Variants in ALPI observed in about 807,000 individuals in gnomAD.
ALPI encodes the protein intestinal-type alkaline phosphatase.
Under a neutral mutation model 51.5 loss-of-function variants are expected in ALPI, and 50 were observed. That is an observed-to-expected ratio of 0.97 (90% CI 0.77 to 1.23). The LOEUF is 1.23. Ranked by LOEUF, ALPI falls within the 50% of genes most tolerant of loss-of-function variation. The probability of loss-of-function intolerance (pLI) is 0.00; values close to 1 mark genes in which losing one functional copy is unlikely to be tolerated. For missense variants in ALPI, 692 were observed against 722.4 expected (o/e 0.96, Z 0.48); for synonymous variants, 322 against 308.2 (o/e 1.04, Z -0.47).
rs1690201074 is a variant in ALPI at position 232,456,845 on chromosome 2, G to A, written c.301-54G>A. 6.2e-7 allele frequency: 1 copy of A among 1,605,112 alleles called. No individual in the cohort carries two copies. The highest frequency in any genetic ancestry group is 8.5e-7 in the Non-Finnish European group (1 of 1,175,158). On this transcript the variant is annotated intron_variant, in intron 3 of 10. Transcript: ENST00000295463. The surrounding 1 kb of genome is among the most constrained non-coding windows in gnomAD (Gnocchi z 4.2). The stretch of plus-strand genomic sequence containing the variant: ...CCAGAGGACCAGAACCAGGTCCTTG[G>A]TTGGGGTCTGGGTGTCCGCCCCGAA...
In ALPI at chr2:232,460,611, A is replaced by G. The variant is rs1690292357; in HGVS notation, c.*1465A>G. On this transcript the variant is annotated 3_prime_UTR_variant, in exon 11 of 11. Transcript: ENST00000295463. ...GGTGAAATCAACCACATTTTCCAGC[A>G]AATTTTGCAGTATTACAAATTTATT... Among the ~76,000 whole-genome samples the G allele has an allele frequency of 1.3e-5, 2 of 152,254 alleles. No individual in the cohort carries two copies. The highest frequency in any genetic ancestry group is 4.8e-5 in the African/African-American group (2 of 41,458).
chr2:232,458,259 A>G lies in ALPI; in HGVS notation c.1034A>G (p.Gln345Arg), dbSNP rs1277365906. 16 of 1,614,114 alleles carry G rather than the reference A, an allele frequency of 9.9e-6. No individual in the cohort carries two copies. Among genetic ancestry groups the G allele is most frequent in the Non-Finnish European group, 1.4e-5 (16 of 1,180,020 alleles). ...DHGHHEGVAY[Q>R]ALTEAVMFDD... ...GGTCATCATGAGGGTGTGGCTTACC[A>G]GGCACTCACTGAGGCGGTCATGTTC... The change falls in exon 9 of 11, where the codon CAG (glutamine) becomes CGG (arginine). Residue 345 changes from glutamine to arginine, a missense_variant. Gln to Arg is a conservative substitution (Grantham distance 43). Coordinates refer to ENST00000295463, the MANE Select transcript of ALPI (RefSeq NM_001631.5).
Position 232,458,104 on chromosome 2 carries a change from C to T in ALPI, c.963C>T (p.Asn321=). ...CTGCCCTGCGCCTGCTGAGCAGGAA[C>T]CCCCGCGGCTTCTACCTCTTTGTGG... ...TEAALRLLSR[N]PRGFYLFVEG... Residue 321 remains asparagine, a synonymous_variant, in exon 8 of 11, where the codon AAC becomes AAT. Transcript: ENST00000295463. 1.9e-6 allele frequency: 3 copies of T among 1,614,010 alleles called. No homozygotes were observed. The highest frequency in any genetic ancestry group is 2.5e-6 in the Non-Finnish European group (3 of 1,180,000).
At position 232,460,194 on chromosome 2, in the gene ALPI, C is replaced by T. The variant is rs550039880; in HGVS notation, c.*1048C>T. Among the ~76,000 whole-genome samples, 169 of 143,914 alleles carry T rather than the reference C, an allele frequency of 1.2e-3. No homozygotes were observed. Among genetic ancestry groups the T allele is most frequent in the African/African-American group, 4.0e-3 (158 of 39,684 alleles). The allele number at this position is 143,914 out of a possible 152,430, so 94.4% of individuals were successfully genotyped here. A position where few individuals can be genotyped will look rare whatever the true frequency, so the allele number is the denominator to read the frequency against. On this transcript the variant is annotated 3_prime_UTR_variant, in exon 11 of 11. Transcript: ENST00000295463. ...GCAAGGCAGCACAGCAGTGCAAACGCCCTGGGGCAGTGTCAGCAGGTGCTC... is the reference window on the plus strand; with the variant it reads ...GCAAGGCAGCACAGCAGTGCAAACGTCCTGGGGCAGTGTCAGCAGGTGCTC...
chr2:232,458,338 C>G lies in ALPI; in HGVS notation c.1113C>G (p.Thr371=), dbSNP rs753458926. The G allele has an allele frequency of 7.2e-5, 116 of 1,614,130 alleles. 1 individual carries two copies. In the South Asian group the frequency reaches 1.1e-3, roughly 15 times the overall value. Residue 371 remains threonine, a synonymous_variant, in exon 9 of 11, where the codon ACC becomes ACG. Coordinates refer to ENST00000295463, the MANE Select transcript of ALPI (RefSeq NM_001631.5). ...GQLTSEEDTL[T]LVTADHSHVF... is the part of the protein sequence containing the mutation. ...TCACCAGCGAGGAGGACACGCTGAC[C>G]CTCGTCACCGCTGACCACTCCCATG...
At position 232,457,160 on chromosome 2, in the gene ALPI, A is replaced by G. The variant is rs2950881; in HGVS notation, c.486A>G (p.Val162=). The part of the protein sequence containing the change: ...MNRAKQAGKS[V]GVVTTTRVQH... ...CTCTGTCACCCTCAGGAAAGTCAGT[A>G]GGAGTGGTGACCACCACACGGGTGC... The change falls in exon 5 of 11, where the codon GTA becomes GTG. Residue 162 remains valine (V), a synonymous_variant. Coordinates refer to ENST00000295463, the MANE Select transcript of ALPI (RefSeq NM_001631.5). This position sits in a 1 kb window ranked among gnomAD's most constrained non-coding sequence, Gnocchi z 4.7. 5 of 1,613,514 alleles carry G rather than the reference A, an allele frequency of 3.1e-6. No homozygotes were observed. Among genetic ancestry groups the G allele is most frequent in the Non-Finnish European group, 3.4e-6 (4 of 1,180,020 alleles).
Position 232,456,930 on chromosome 2 carries a change from G to GCGCAGC in ALPI, c.334_339dup (p.Ala112_Ala113dup). On this transcript the variant is annotated inframe_insertion, in exon 4 of 11. Transcript: ENST00000295463. The surrounding 1 kb of genome is among the most constrained non-coding windows in gnomAD (Gnocchi z 4.2). ...AATGTGGACAGACAGGTGCCAGACA[G>GCGCAGC]CGCAGCCACAGCCACGGCCTACCTG... 3 of 1,613,530 alleles carry GCGCAGC rather than the reference G, an allele frequency of 1.9e-6. No individual in the cohort carries two copies. Among genetic ancestry groups the GCGCAGC allele is most frequent in the Non-Finnish European group, 2.5e-6 (3 of 1,179,982 alleles).
rs960716702 is a variant in ALPI, at chr2:232,458,846, C to T, written c.1301-14C>T. ...CCGCCTGCCTGCCCTGAAGTGCACT[C>T]ACCCTCCTACCAGGGAGCCCCGATT... On this transcript the variant is annotated splice_polypyrimidine_tract_variant and intron_variant, in intron 10 of 10. Transcript: ENST00000295463. 2 of 1,609,642 alleles carry T rather than the reference C, an allele frequency of 1.2e-6. No individual in the cohort carries two copies. Among genetic ancestry groups the T allele is most frequent in the Admixed American group, 1.7e-5 (1 of 59,810 alleles).
rs751701225 is a variant in ALPI, at chr2:232,457,854, G to A, written c.843G>A (p.Val281=). ...ELMQASLDQS[V]THLMGLFEPG... The stretch of plus-strand genomic sequence containing the variant: ...TGCAGGCGTCCCTGGACCAGTCTGT[G>A]ACCCATCTCATGGGTAATGACCCCC... The change falls in exon 7 of 11, where the codon GTG becomes GTA. Residue 281 remains valine (V), a synonymous_variant. Transcript: ENST00000295463. The surrounding 1 kb of genome is among the most constrained non-coding windows in gnomAD (Gnocchi z 4.7). 3.7e-6 allele frequency: 6 copies of A among 1,613,918 alleles called. No individual in the cohort carries two copies. Among genetic ancestry groups the A allele is most frequent in the Non-Finnish European group, 5.1e-6 (6 of 1,179,976 alleles).
In ALPI at chr2:232,456,513, A is replaced by G; in HGVS notation, c.184+48A>G. On this transcript the variant is annotated intron_variant, in intron 2 of 10. Transcript: ENST00000295463. The surrounding 1 kb of genome is among the most constrained non-coding windows in gnomAD (Gnocchi z 4.2). Reference sequence around the variant, plus strand: ...GCCCCGTAGTCCTCACAGCCCCGGCACCCGGGACCTTCAGTGGTTCCAGGA... The same window carrying G: ...GCCCCGTAGTCCTCACAGCCCCGGCGCCCGGGACCTTCAGTGGTTCCAGGA... 6.2e-7 allele frequency: 1 copy of G among 1,611,654 alleles called. No homozygotes were observed. Among genetic ancestry groups the G allele is most frequent in the Non-Finnish European group, 8.5e-7 (1 of 1,178,760 alleles).
At position 232,459,386 on chromosome 2, in the gene ALPI, G is replaced by A; in HGVS notation, c.*240G>A. On this transcript the variant is annotated 3_prime_UTR_variant, in exon 11 of 11. Transcript: ENST00000295463. Reference sequence around the variant, plus strand: ...TGGGACTTCCAGGACCTCCCCTCAGGTTGTTCTCTGATTCTTCCTCCCAAC... The same window carrying A: ...TGGGACTTCCAGGACCTCCCCTCAGATTGTTCTCTGATTCTTCCTCCCAAC... The A allele has an allele frequency of 1.8e-6, 1 of 552,946 alleles. No homozygotes were observed. The allele number at this position is 552,946 out of a possible 1,614,324, so 34.3% of individuals were successfully genotyped here.
rs1004662106 is a variant in ALPI at position 232,457,482 on chromosome 2, G to A, written c.649-83G>A. 1.9e-6 allele frequency: 3 copies of A among 1,547,266 alleles called. No homozygotes were observed. In the African/African-American group the frequency reaches 4.1e-5, roughly 21 times the overall value. ...GCTGGGCCATTCCCACAGCCCTGGG[G>A]AGGGGAGCCAGGGGCTATGCATGAG... On this transcript the variant is annotated intron_variant, in intron 5 of 10. Transcript: ENST00000295463. This position sits in a 1 kb window ranked among gnomAD's most constrained non-coding sequence, Gnocchi z 4.7.
intron 9 of ALPI, 27 bp from the exon 10 acceptor site, chr2:232,458,605 A>G (rs764182797): frequency 2.5e-6 from 4 of 1,607,932 alleles, no homozygotes; most frequent in Non-Finnish European, 3.4e-6. Context: ...GGTCAGCTCA[A>G]CTACAGGGAC....
rs750210071 is a variant in ALPI at position 232,458,617 on chromosome 2, C to G, written c.1184-15C>G. 3 of 1,610,220 alleles carry G rather than the reference C, an allele frequency of 1.9e-6. No homozygotes were observed. Among genetic ancestry groups the G allele is most frequent in the Non-Finnish European group, 2.5e-6 (3 of 1,177,332 alleles). ...TGTGGTCAGCTCAACTACAGGGACC[C>G]GCATCTCCCTACAGGGTTGGCCCCC... On this transcript the variant is annotated splice_polypyrimidine_tract_variant and intron_variant, in intron 9 of 10. Coordinates refer to ENST00000295463, the MANE Select transcript of ALPI (RefSeq NM_001631.5).
In ALPI at chr2:232,457,143, C is replaced by A. The variant is rs989824723; in HGVS notation, c.476-7C>A. On this transcript the variant is annotated splice_region_variant and splice_polypyrimidine_tract_variant and intron_variant, in intron 4 of 10. Transcript: ENST00000295463. This position sits in a 1 kb window ranked among gnomAD's most constrained non-coding sequence, Gnocchi z 4.7. Reference sequence around the variant, plus strand: ...CGGTCACCGATCCTGACCTCTGTCACCCTCAGGAAAGTCAGTAGGAGTGGT... The same window carrying A: ...CGGTCACCGATCCTGACCTCTGTCAACCTCAGGAAAGTCAGTAGGAGTGGT... The A allele has an allele frequency of 1.4e-5, 23 of 1,613,418 alleles. No individual in the cohort carries two copies. The highest frequency in any genetic ancestry group is 1.8e-5 in the Non-Finnish European group (21 of 1,180,038).
rs1404063574 is a variant in ALPI at position 232,456,236 on chromosome 2, AG to A, written c.39del (p.Arg13SerfsTer56). ...CTGGGTGCTGCTGCTGCTGGGCCTG[AG>A]GCTACAGCTCTCCCTGGGCGTCATC... ...GPWVLLLLGL[R>X]LQLSLGVIPA... On this transcript the variant is annotated frameshift_variant, in exon 1 of 11. Transcript: ENST00000295463. LOFTEE classifies it high-confidence loss of function. The surrounding 1 kb of genome is among the most constrained non-coding windows in gnomAD (Gnocchi z 4.2). 6.2e-7 allele frequency: 1 copy of A among 1,613,708 alleles called. No homozygotes were observed. Among genetic ancestry groups the A allele is most frequent in the Non-Finnish European group, 8.5e-7 (1 of 1,179,982 alleles).
At position 232,456,450 on chromosome 2, in the gene ALPI, C is replaced by G; in HGVS notation, c.169C>G (p.Leu57Val). ...CCAGAAGGTCGCCAAGAACCTCATC[C>G]TCTTCCTGGGCGATGGTGAGTGAGC... ...PIQKVAKNLI[L>V]FLGDGLGVPT... Residue 57 changes from leucine (L) to valine (V), a missense_variant, in exon 2 of 11, where the codon CTC becomes GTC. By Grantham distance (32) the Leu-to-Val change is conservative. Coordinates refer to ENST00000295463, the MANE Select transcript of ALPI (RefSeq NM_001631.5). The surrounding 1 kb of genome is among the most constrained non-coding windows in gnomAD (Gnocchi z 4.2). 6.2e-7 allele frequency: 1 copy of G among 1,614,090 alleles called. No homozygotes were observed.
At position 232,457,847 on chromosome 2, in the gene ALPI, A is replaced by C. The variant is rs372335268; in HGVS notation, c.836A>C (p.Gln279Pro). The C allele has an allele frequency of 5.0e-6, 8 of 1,613,924 alleles. No individual in the cohort carries two copies. The African/African-American group carries it at 9.3e-5, about 19-fold the overall frequency. The change falls in exon 7 of 11, where the codon CAG becomes CCG. Residue 279 changes from glutamine to proline, a missense_variant. Gln to Pro is a moderately conservative substitution (Grantham distance 76). Transcript: ENST00000295463. The surrounding 1 kb of genome is among the most constrained non-coding windows in gnomAD (Gnocchi z 4.7). ...GAGCTCATGCAGGCGTCCCTGGACCAGTCTGTGACCCATCTCATGGGTAAT... is the reference window on the plus strand; with the variant it reads ...GAGCTCATGCAGGCGTCCCTGGACCCGTCTGTGACCCATCTCATGGGTAAT... ...RTELMQASLD[Q>P]SVTHLMGLFE...
intron 8 of ALPI, 24 bp downstream of exon 8, chr2:232,458,156 G>A (rs888704124): frequency 2.5e-5 from 41 of 1,613,714 alleles, no homozygotes; most frequent in African/African-American, 1.3e-4. Flanking sequence ...CCTGGGGAGT[G>A]GAGGAAGGCG....
Sources: gnomAD v4.1 joint callset for allele counts (sites outside exome capture counted in the v4.1 genomes callset) on GRCh38, gnomAD v4.1.1 for gene constraint, Gnocchi (gnomAD v3.1) non-coding constraint, MANE v1.5 for transcripts, NCBI Gene and HGNC (gene_info 2026-07-23, HGNC 2026-07-21) for gene names.